ARHGAP26: variants seen among roughly 807,000 people sequenced by gnomAD.
The protein encoded by ARHGAP26 is rho GTPase-activating protein 26.
A neutral mutation model predicts 104.8 loss-of-function variants in ARHGAP26; 38 were observed. That is an observed-to-expected ratio of 0.36 (90% CI 0.28 to 0.48). The LOEUF is 0.48. ARHGAP26 is among the 20% of genes least tolerant of loss of function. The pLI, the probability that ARHGAP26 is intolerant of heterozygous loss-of-function variation, is 0.99. For missense variants in ARHGAP26, 704 were observed against 947.9 expected (o/e 0.74, Z 3.38); for synonymous variants, 341 against 340.0 (o/e 1.00, Z -0.03).
At chr5:142,841,546 C>T (rs1418983900) in intron 1 of ARHGAP26, among the ~76,000 whole-genome samples, 1 of 152,190 alleles carries the variant, frequency 6.6e-6, no homozygotes, top group Non-Finnish European at 1.5e-5. Context: ...ACTGTTTAGT[C>T]ACACTGAGTG....
intron 17 of ARHGAP26, among the ~76,000 whole-genome samples, chr5:143,102,473 C>G (rs145770989): frequency 6.6e-6 from 1 of 152,222 alleles, no homozygotes; most frequent in African/African-American, 2.4e-5. Flanking sequence ...TTTTCCTCCC[C>G]TAACTCAGAA....
intron 16 of ARHGAP26, among the ~76,000 whole-genome samples, chr5:143,056,298 G>T (rs149009767): frequency 6.4e-4 from 94 of 146,704 alleles, no homozygotes; most frequent in African/African-American, 2.3e-3. Context: ...TACAGCAGAG[G>T]ACAGAAACTT....
chr5:143,090,442 C>T (rs1343254665), intron 17 of ARHGAP26, among the ~76,000 whole-genome samples: 4 of 150,690 alleles, frequency 2.7e-5, no homozygotes, highest in Non-Finnish European at 2.9e-5. Context: ...TTAACTTCTA[C>T]GATAGCTATC....
At chr5:142,845,618 G>A (rs1355962038) in intron 1 of ARHGAP26, among the ~76,000 whole-genome samples, 1 of 152,178 alleles carries the variant, frequency 6.6e-6, no homozygotes, top group Non-Finnish European at 1.5e-5. Flanking sequence ...TTTAGAAAAG[G>A]AAGAGGCTTC....
At chr5:143,067,470 C>T (rs1220075539) in intron 17 of ARHGAP26, among the ~76,000 whole-genome samples, 1 of 152,144 alleles carries the variant, frequency 6.6e-6, no homozygotes, top group African/African-American at 2.4e-5. Context: ...GATATTTTTT[C>T]ACTTTTGCAG....
Position 142,846,912 on chromosome 5 carries a change from C to G in ARHGAP26, c.155-26488C>G, listed in dbSNP as rs557860125. On this transcript the variant is annotated intron_variant, in intron 1 of 22. Transcript: ENST00000645722. ...GGGGACAGTGAGATCCAGAACCACTCGGTGTGCTAAGGACTTTTCACGTCT... is the reference window on the plus strand; with the variant it reads ...GGGGACAGTGAGATCCAGAACCACTGGGTGTGCTAAGGACTTTTCACGTCT... Among the ~76,000 whole-genome samples the G allele has an allele frequency of 9.4e-4, 143 of 152,304 alleles. 1 individual carries two copies. The highest frequency in any genetic ancestry group is 3.2e-3 in the African/African-American group (135 of 41,558).
At chr5:142,987,773 G>T (rs1346375898) in intron 11 of ARHGAP26, among the ~76,000 whole-genome samples, 1 of 152,112 alleles carries the variant, frequency 6.6e-6, no homozygotes, top group Admixed American at 6.6e-5. Context: ...TTTGTCTTTG[G>T]TTCTGTTTAT....
chr5:143,035,511 G>A (rs116413682), intron 12 of ARHGAP26, among the ~76,000 whole-genome samples: 10 of 152,274 alleles, frequency 6.6e-5, no homozygotes, highest in Non-Finnish European at 1.3e-4. Context: ...GCACAAGAAT[G>A]ACACAATGGA....
intron 12 of ARHGAP26, among the ~76,000 whole-genome samples, chr5:143,033,204 C>A (rs1224595002): frequency 6.6e-6 from 1 of 152,144 alleles, no homozygotes; most frequent in Non-Finnish European, 1.5e-5. Flanking sequence ...ATATGTAAGA[C>A]CTTTATGTGT....
chr5:142,771,816 C>G (rs1297273274), intron 1 of ARHGAP26, among the ~76,000 whole-genome samples: 1 of 152,186 alleles, frequency 6.6e-6, no homozygotes, highest in Admixed American at 6.5e-5. Context: ...TGCAATTTTG[C>G]ATTCTGCTTC....
At chr5:142,995,748 A>G (rs1205462351) in intron 11 of ARHGAP26, among the ~76,000 whole-genome samples, 1 of 152,236 alleles carries the variant, frequency 6.6e-6, no homozygotes, top group African/African-American at 2.4e-5. Context: ...AATAACAAAG[A>G]CTTGGAACCA....
At chr5:143,090,363 T>A (rs1295966024) in intron 17 of ARHGAP26, among the ~76,000 whole-genome samples, 1 of 152,262 alleles carries the variant, frequency 6.6e-6, no homozygotes, top group Non-Finnish European at 1.5e-5. Context: ...AATGGAATAT[T>A]TGATCCATTC....
intron 11 of ARHGAP26, among the ~76,000 whole-genome samples, chr5:142,958,904 TAAAAAAAAAAAA>T (rs1199020124): frequency 4.5e-5 from 4 of 88,232 alleles, no homozygotes; most frequent in African/African-American, 6.4e-5. Context: ...CGCTGTCTCT[TAAAAAAAAAAAA>T]AAAGAAAAAA....
chr5:143,052,022 G>T (rs1785110277), intron 14 of ARHGAP26, among the ~76,000 whole-genome samples: 2 of 152,048 alleles, frequency 1.3e-5, no homozygotes, highest in Admixed American at 6.5e-5. Flanking sequence ...ATACTCTTCT[G>T]CAGGAAAAAG....
intron 12 of ARHGAP26, among the ~76,000 whole-genome samples, chr5:143,015,569 C>CA (rs1425835619): frequency 1.3e-5 from 2 of 152,004 alleles, no homozygotes; most frequent in Non-Finnish European, 2.9e-5. Flanking sequence ...AAGACTGCTG[C>CA]AAAAAATGGG....
At chr5:142,945,162 C>A (rs1766922364) in intron 11 of ARHGAP26, among the ~76,000 whole-genome samples, 1 of 152,196 alleles carries the variant, frequency 6.6e-6, no homozygotes, top group Admixed American at 6.5e-5. Context: ...CCCATCCCAT[C>A]TCAAGGAGCC....
intron 11 of ARHGAP26, among the ~76,000 whole-genome samples, chr5:142,932,986 T>C (rs1764930158): frequency 6.6e-6 from 1 of 152,254 alleles, no homozygotes; most frequent in African/African-American, 2.4e-5. Context: ...TTTAATAATA[T>C]AGAGCAAGAT....
chr5:143,223,613 G>A lies in ARHGAP26; in HGVS notation c.*1167G>A, dbSNP rs1811437407. On this transcript the variant is annotated 3_prime_UTR_variant, in exon 23 of 23. Coordinates refer to ENST00000645722, the MANE Select transcript of ARHGAP26 (RefSeq NM_001135608.3). The stretch of plus-strand genomic sequence containing the variant: ...CCCTACTCTGGGCTGCTGAACACTG[G>A]TGCTGTGGTGGTTTTCAAGGTTAAT... 4.3e-6 allele frequency: 1 copy of A among 231,852 alleles called. No individual in the cohort carries two copies. Among genetic ancestry groups the A allele is most frequent in the African/African-American group, 2.2e-5 (1 of 45,232 alleles). The allele number at this position is 231,852 out of a possible 1,614,324, so 14.4% of individuals were successfully genotyped here. A position where few individuals can be genotyped will look rare whatever the true frequency, so the allele number is the denominator to read the frequency against.
chr5:142,907,782 A>T lies in ARHGAP26; in HGVS notation c.911A>T (p.Asp304Val), dbSNP rs1761305876. 2 of 1,610,866 alleles carry T rather than the reference A, an allele frequency of 1.2e-6. No homozygotes were observed. The highest frequency in any genetic ancestry group is 1.7e-6 in the Non-Finnish European group (2 of 1,177,824). ...DSKQITMVPF[D>V]QKSGGKGGED... is the part of the protein sequence containing the mutation. ...AAACAAATCACCATGGTACCATTTG[A>T]CCAAAAGTCAGGAGGAAAAGGGGTG... is the stretch of plus-strand genomic sequence containing the variant. Residue 304 changes from aspartate to valine, a missense_variant, in exon 9 of 23, where the codon GAC (aspartate) becomes GTC (valine). By Grantham distance (152) the Asp-to-Val change is radical (BLOSUM62 -3). This residue lies in a region of ARHGAP26 where 287 missense variants were observed against 438.8 expected (regional missense o/e 0.65). Coordinates refer to ENST00000645722, the MANE Select transcript of ARHGAP26 (RefSeq NM_001135608.3).
Sources: gnomAD v4.1 joint callset for allele counts (sites outside exome capture counted in the v4.1 genomes callset) on GRCh38, gnomAD v4.1.1 for gene constraint, gnomAD v4.1.1 regional missense constraint, MANE v1.5 for transcripts, NCBI Gene and HGNC (gene_info 2026-07-23, HGNC 2026-07-21) for gene names.